SBNO2: variants seen among roughly 807,000 people sequenced by gnomAD.
The protein encoded by SBNO2 is protein strawberry notch homolog 2.
Under a neutral mutation model 146.3 loss-of-function variants are expected in SBNO2, and 89 were observed. The observed-to-expected ratio is 0.61, with a 90% CI of 0.51 to 0.73. The LOEUF is 0.73. SBNO2 is among the 30% of genes least tolerant of loss of function. The pLI is 0.00. For missense variants in SBNO2, 2,092 were observed against 2,003.7 expected, an observed-to-expected ratio of 1.04 and a Z score of -0.84; for synonymous variants, 1,147 against 892.6, an observed-to-expected ratio of 1.29 and a Z score of -5.08.
chr19:1,165,545 C>A (rs2080405291), intron 1 of SBNO2, among the ~76,000 whole-genome samples: 1 of 152,056 alleles, frequency 6.6e-6, no homozygotes, highest in African/African-American at 2.4e-5. Flanking sequence ...GAGGCCGATG[C>A]CTTTTAGGAA....
rs772412597 is a variant in SBNO2 at position 1,132,135 on chromosome 19, G to A, written c.280-4370C>T. ...GCAGCCACAGCTGCAGCTGGGACATGGTCCCGGCGCTCGGGGGGCCAGGGG... is the reference window on the plus strand; with the variant it reads ...GCAGCCACAGCTGCAGCTGGGACATAGTCCCGGCGCTCGGGGGGCCAGGGG... On this transcript the variant is annotated intron_variant, in intron 4 of 31. Transcript: ENST00000361757. 14 of 1,512,190 alleles carry A rather than the reference G, an allele frequency of 9.3e-6. No individual in the cohort carries two copies. The Admixed American group carries it at 3.2e-4, about 35-fold the overall frequency. 93.7% of individuals were successfully genotyped at this position (1,512,190 alleles called of 1,614,324 possible). A position where few individuals can be genotyped will look rare whatever the true frequency, so the allele number is the denominator to read the frequency against.
intron 1 of SBNO2, among the ~76,000 whole-genome samples, chr19:1,166,195 TC>T (rs879834207): frequency 0.37 from 13,539 of 36,948 alleles, 1,332 homozygotes; most frequent in Middle Eastern, 0.51. Context: ...AGACTTCAGA[TC>T]CCCGGATCCC....
intron 2 of SBNO2, among the ~76,000 whole-genome samples, chr19:1,151,783 C>T (rs2080244580): frequency 6.6e-6 from 1 of 152,242 alleles, no homozygotes; most frequent in South Asian, 2.1e-4. Flanking sequence ...CTGTCTCAGC[C>T]TCATGCGTAG....
In SBNO2 at chr19:1,159,510, G is replaced by A. The variant is rs139614750; in HGVS notation, c.-126-5108C>T. Among the ~76,000 whole-genome samples the A allele has an allele frequency of 3.4e-3, 226 of 65,892 alleles. 7 individuals are homozygous for A. Among genetic ancestry groups the A allele is most frequent in the African/African-American group, 0.015 (201 of 13,770 alleles). 43.2% of individuals were successfully genotyped at this position (65,892 alleles called of 152,430 possible). The stretch of plus-strand genomic sequence containing the variant: ...GGGGACAGTGGGGGGACAGGGGGCA[G>A]CAGGGGACAGTTGGGGACAGCAGGG... On this transcript the variant is annotated intron_variant, in intron 1 of 31. Coordinates refer to ENST00000361757, the MANE Select transcript of SBNO2 (RefSeq NM_014963.3).
In SBNO2 at chr19:1,112,259, A is replaced by G; in HGVS notation, c.2558T>C (p.Val853Ala). 1 of 1,593,262 alleles carries G rather than the reference A, an allele frequency of 6.3e-7. No individual in the cohort carries two copies. The highest frequency in any genetic ancestry group is 8.5e-7 in the Non-Finnish European group (1 of 1,170,474). The change falls in exon 22 of 32, where the codon GTC becomes GCC. Residue 853 changes from valine to alanine, a missense_variant. By Grantham distance (64) the Val-to-Ala change is moderately conservative (BLOSUM62 0). Coordinates refer to ENST00000361757, the MANE Select transcript of SBNO2 (RefSeq NM_014963.3). This position sits in a 1 kb window ranked among gnomAD's most constrained non-coding sequence, Gnocchi z 5.9. ...CCCGGCCAGCTCCGAGATGAGGAAG[A>G]CATACTCTGGCGCGGAGACCTGGTT... ...RSNQVSAPEY[V>A]FLISELAGER...
Position 1,147,422 on chromosome 19 carries a change from TG to T in SBNO2, c.168-3del. On this transcript the variant is annotated splice_region_variant and splice_polypyrimidine_tract_variant and intron_variant, in intron 3 of 31. Transcript: ENST00000361757. ...AAGGAGGCGGAGCTCATGAACGGGC[TG>T]GAGGGAGATGGGGGGGGGGGAGGTG... 1 of 716,142 alleles carries T rather than the reference TG, an allele frequency of 1.4e-6. No individual in the cohort carries two copies. The highest frequency in any genetic ancestry group is 1.9e-6 in the Non-Finnish European group (1 of 515,192). The allele number at this position is 716,142 out of a possible 1,614,324, so 44.4% of individuals were successfully genotyped here.
At chr19:1,149,215 T>C (rs1167482033) in intron 3 of SBNO2, among the ~76,000 whole-genome samples, 154 bp downstream of exon 3, 3 of 149,762 alleles carry the variant, frequency 2.0e-5, no homozygotes, top group Non-Finnish European at 4.4e-5. Context: ...ACCTGGCCCG[T>C]GGGGTGGAGC....
Position 1,119,975 on chromosome 19 carries a change from T to A in SBNO2, c.1198A>T (p.Met400Leu). The change falls in exon 12 of 32, where the codon ATG (methionine) becomes TTG (leucine). Residue 400 changes from methionine to leucine, a missense_variant. By Grantham distance (15) the Met-to-Leu change is conservative. Coordinates refer to ENST00000361757, the MANE Select transcript of SBNO2 (RefSeq NM_014963.3). ...TGCAGGTCTAGCACAGCCTTGCCCA[T>A]CTTGGTGGAGCCGGCATTCTTGGCT... is the stretch of plus-strand genomic sequence containing the variant. ...HKAKNAGSTK[M>L]GKAVLDLQNK... The A allele has an allele frequency of 6.4e-7, 1 of 1,551,382 alleles. No homozygotes were observed. The highest frequency in any genetic ancestry group is 8.7e-7 in the Non-Finnish European group (1 of 1,147,276).
rs1370982810 is a variant in SBNO2, at chr19:1,108,013, C to T, written c.*207G>A. 1.0e-5 allele frequency: 4 copies of T among 399,384 alleles called. No homozygotes were observed. Among genetic ancestry groups the T allele is most frequent in the Non-Finnish European group, 1.7e-5 (4 of 230,384 alleles). The allele number at this position is 399,384 out of a possible 1,614,324, so 24.7% of individuals were successfully genotyped here. A position where few individuals can be genotyped will look rare whatever the true frequency, so the allele number is the denominator to read the frequency against. Reference sequence around the variant, plus strand: ...CTTGGGAGGAGAGGCACAGAGAGGGCCCTGCCACGCCCCGGCCCCCAGCTG... The same window carrying T: ...CTTGGGAGGAGAGGCACAGAGAGGGTCCTGCCACGCCCCGGCCCCCAGCTG... On this transcript the variant is annotated 3_prime_UTR_variant, in exon 32 of 32. Coordinates refer to ENST00000361757, the MANE Select transcript of SBNO2 (RefSeq NM_014963.3).
intron 1 of SBNO2, among the ~76,000 whole-genome samples, chr19:1,165,189 C>T (rs1291354010): frequency 6.6e-6 from 1 of 152,160 alleles, no homozygotes; most frequent in African/African-American, 2.4e-5. Flanking sequence ...ACATCTGACC[C>T]CGCCGTCAGG....
At chr19:1,165,294 A>C (rs1298531270) in intron 1 of SBNO2, among the ~76,000 whole-genome samples, 1 of 152,144 alleles carries the variant, frequency 6.6e-6, no homozygotes, top group Non-Finnish European at 1.5e-5. Context: ...GGAATAAAGG[A>C]GGCCCTGGGG....
At chr19:1,167,816 G>A (rs1474804845) in intron 1 of SBNO2, among the ~76,000 whole-genome samples, 2 of 152,196 alleles carry the variant, frequency 1.3e-5, no homozygotes, top group Admixed American at 6.5e-5. Context: ...CCGCGTGCAC[G>A]GAAACCCAGG....
In SBNO2 at chr19:1,147,301, GCTCCTAC is replaced by G. The variant is rs2080200064; in HGVS notation, c.279+1_279+7del. 6.4e-7 allele frequency: 1 copy of G among 1,570,614 alleles called. No homozygotes were observed. Among genetic ancestry groups the G allele is most frequent in the Non-Finnish European group, 8.7e-7 (1 of 1,155,874 alleles). On this transcript the variant is annotated splice_donor_variant and splice_donor_5th_base_variant and intron_variant, in intron 4 of 31. Coordinates refer to ENST00000361757, the MANE Select transcript of SBNO2 (RefSeq NM_014963.3). LOFTEE classifies it high-confidence loss of function. ...CCCCACGGCGCGGTGAGCTCCTGGG[GCTCCTAC>G]CTGAGCAAAGTCGCAGGTCTTTGGT...
intron 14 of SBNO2, among the ~76,000 whole-genome samples, chr19:1,117,758 G>C (rs561518006): frequency 3.9e-5 from 6 of 152,270 alleles, no homozygotes; most frequent in Admixed American, 1.3e-4. Context: ...AACAGGCTCA[G>C]CTCCTTCCAA....
At position 1,120,288 on chromosome 19, in the gene SBNO2, C is replaced by T. The variant is rs1037655620; in HGVS notation, c.1150-265G>A. On this transcript the variant is annotated intron_variant, in intron 11 of 31. Coordinates refer to ENST00000361757, the MANE Select transcript of SBNO2 (RefSeq NM_014963.3). ...CAACACACACCGAGGATGGGGCCTC[C>T]GGCGAGGAAGGGTGGGATCCCTAAA... Among the ~76,000 whole-genome samples, 11 of 152,328 alleles carry T rather than the reference C, an allele frequency of 7.2e-5. No individual in the cohort carries two copies. The East Asian group carries it at 1.5e-3, about 21-fold the overall frequency.
intron 13 of SBNO2, 56 bp from the exon 14 acceptor site, chr19:1,119,220 C>T: frequency 1.3e-6 from 2 of 1,543,680 alleles, no homozygotes; most frequent in South Asian, 2.3e-5. Context: ...GATGGAGCCA[C>T]TCGGAGCGCG....
Position 1,108,309 on chromosome 19 carries a change from C to CCGCGCCCTCCCCCAG in SBNO2, c.3997_4011dup (p.Leu1333_Ala1337dup), listed in dbSNP as rs2079698674. 2.7e-6 allele frequency: 4 copies of CCGCGCCCTCCCCCAG among 1,459,202 alleles called. No individual in the cohort carries two copies. Among genetic ancestry groups the CCGCGCCCTCCCCCAG allele is most frequent in the South Asian group, 1.3e-5 (1 of 77,874 alleles). The allele number at this position is 1,459,202 out of a possible 1,614,324, so 90.4% of individuals were successfully genotyped here. A position where few individuals can be genotyped will look rare whatever the true frequency, so the allele number is the denominator to read the frequency against. On this transcript the variant is annotated inframe_insertion, in exon 32 of 32. Coordinates refer to ENST00000361757, the MANE Select transcript of SBNO2 (RefSeq NM_014963.3). ...CCACCGCCCGCCGCGCCCCCCGCCC[C>CCGCGCCCTCCCCCAG]CGCGCCCTCCCCCAGCGCGCCCTCG...
In SBNO2 at chr19:1,151,854, G is replaced by A. The variant is rs540283106; in HGVS notation, c.93+2330C>T. Reference sequence around the variant, plus strand: ...ACTTTTGTATTTTTAGTAGAGATGGGATTTCATCATGTTGGCCAGGCCGGT... The same window carrying A: ...ACTTTTGTATTTTTAGTAGAGATGGAATTTCATCATGTTGGCCAGGCCGGT... On this transcript the variant is annotated intron_variant, in intron 2 of 31. Transcript: ENST00000361757. Among the ~76,000 whole-genome samples, 5 of 152,312 alleles carry A rather than the reference G, an allele frequency of 3.3e-5. No individual in the cohort carries two copies. In the East Asian group the frequency reaches 5.8e-4, roughly 18 times the overall value.
intron 1 of SBNO2, among the ~76,000 whole-genome samples, chr19:1,159,840 C>T (rs1359758302): frequency 6.6e-6 from 1 of 151,642 alleles, no homozygotes; most frequent in African/African-American, 2.4e-5. Flanking sequence ...ACATTCAAGA[C>T]ATCCGTGAGG....
Sources: allele counts gnomAD v4.1 joint callset (sites outside exome capture counted in the v4.1 genomes callset), GRCh38; gene constraint gnomAD v4.1.1; non-coding constraint Gnocchi (gnomAD v3.1); transcripts MANE v1.5; gene names NCBI Gene and HGNC (gene_info 2026-07-23, HGNC 2026-07-21).